SLC25A21: variants seen among roughly 807,000 people sequenced by gnomAD.
SLC25A21 encodes the protein solute carrier family 25 member 21.
A neutral mutation model predicts 43.8 loss-of-function variants in SLC25A21; 47 were observed. That is an observed-to-expected ratio of 1.07 (90% CI 0.85 to 1.37). The LOEUF (loss-of-function observed/expected upper bound fraction) is 1.37, where lower values mean the gene tolerates loss of function less well. SLC25A21 is among the 40% of genes most tolerant of loss of function. The pLI is 0.00. For synonymous variants in SLC25A21, 131 were observed against 121.3 expected (o/e 1.08, Z -0.52); for missense variants, 352 against 350.2 (o/e 1.00, Z -0.04).
intron 7 of SLC25A21, among the ~76,000 whole-genome samples, chr14:36,703,392 T>C (rs1182433272): frequency 2.0e-5 from 3 of 152,232 alleles, no homozygotes; most frequent in Non-Finnish European, 2.9e-5. Flanking sequence ...CTACAGAATT[T>C]ACCTTGGAAG....
intron 2 of SLC25A21, among the ~76,000 whole-genome samples, chr14:36,860,879 G>T (rs1428647542): frequency 1.3e-5 from 2 of 152,178 alleles, no homozygotes; most frequent in Non-Finnish European, 2.9e-5. Context: ...ACCAAAAATG[G>T]ATGATATTCA....
At chr14:36,793,453 C>T (rs994384590) in intron 3 of SLC25A21, among the ~76,000 whole-genome samples, 2 of 150,956 alleles carry the variant, frequency 1.3e-5, no homozygotes, top group Admixed American at 6.6e-5. Context: ...ACATGCTATC[C>T]TGTACCTTGC....
At chr14:36,850,467 A>G (rs1032607293) in intron 2 of SLC25A21, among the ~76,000 whole-genome samples, 1 of 152,138 alleles carries the variant, frequency 6.6e-6, no homozygotes, top group Non-Finnish European at 1.5e-5. Flanking sequence ...CAGGTATAGA[A>G]AGCAGGGCAA....
At chr14:36,785,304 C>T (rs551253722) in intron 3 of SLC25A21, among the ~76,000 whole-genome samples, 33 of 152,326 alleles carry the variant, frequency 2.2e-4, no homozygotes, top group Non-Finnish European at 4.1e-4. Context: ...GACAACAAAA[C>T]CACACTAAAC....
intron 1 of SLC25A21, among the ~76,000 whole-genome samples, chr14:36,965,321 T>C (rs937171599): frequency 1.8e-4 from 28 of 152,164 alleles, no homozygotes; most frequent in African/African-American, 4.6e-4. Flanking sequence ...CACACTCCAC[T>C]AAATTTAAAG....
chr14:36,943,156 C>A (rs1006564887), intron 1 of SLC25A21, among the ~76,000 whole-genome samples: 23 of 152,078 alleles, frequency 1.5e-4, no homozygotes, highest in African/African-American at 5.3e-4. Flanking sequence ...AGAAAGAATT[C>A]TATTATATTT....
intron 1 of SLC25A21, among the ~76,000 whole-genome samples, chr14:37,143,453 G>A (rs868535677): frequency 4.0e-4 from 61 of 152,268 alleles, no homozygotes; most frequent in Non-Finnish European, 2.1e-4. Flanking sequence ...CATGGACATT[G>A]GAGATAACTA....
chr14:36,704,007 G>A (rs1883390920), intron 7 of SLC25A21, among the ~76,000 whole-genome samples: 2 of 152,130 alleles, frequency 1.3e-5, no homozygotes, highest in Non-Finnish European at 2.9e-5. Context: ...AGATGTAAAT[G>A]AATGCCTCCA....
chr14:36,704,881 C>G (rs1206876732), intron 7 of SLC25A21, among the ~76,000 whole-genome samples: 1 of 152,050 alleles, frequency 6.6e-6, no homozygotes, highest in Non-Finnish European at 1.5e-5. Context: ...TGACAAGGAT[C>G]AGGCAAAATC....
intron 3 of SLC25A21, among the ~76,000 whole-genome samples, chr14:36,787,810 A>G (rs1386102959): frequency 6.6e-6 from 1 of 152,200 alleles, no homozygotes; most frequent in Non-Finnish European, 1.5e-5. Context: ...GTCTCATGCT[A>G]TTTTTAACAC....
chr14:36,885,877 T>C (rs1890898130), intron 1 of SLC25A21, among the ~76,000 whole-genome samples: 1 of 152,200 alleles, frequency 6.6e-6, no homozygotes, highest in Non-Finnish European at 1.5e-5. Context: ...ATCTTTGCAT[T>C]GTACTACTGC....
intron 1 of SLC25A21, among the ~76,000 whole-genome samples, chr14:37,101,208 T>A (rs1304728971): frequency 6.6e-6 from 1 of 152,202 alleles, no homozygotes; most frequent in African/African-American, 2.4e-5. Flanking sequence ...CCAATACAGA[T>A]ATATCTTTTC....
chr14:36,846,470 C>A (rs897238745), intron 2 of SLC25A21, among the ~76,000 whole-genome samples: 1 of 152,154 alleles, frequency 6.6e-6, no homozygotes, highest in African/African-American at 2.4e-5. Context: ...CAACCTCCAC[C>A]TCCTGGGTTC....
chr14:36,877,247 T>G (rs1348174723), intron 1 of SLC25A21, among the ~76,000 whole-genome samples: 7 of 152,140 alleles, frequency 4.6e-5, no homozygotes, highest in Non-Finnish European at 8.8e-5. Flanking sequence ...CTCAAAAAGT[T>G]TACCAAAAGA....
chr14:36,861,487 A>G (rs1890063807), intron 2 of SLC25A21, among the ~76,000 whole-genome samples: 1 of 152,184 alleles, frequency 6.6e-6, no homozygotes, highest in South Asian at 2.1e-4. Flanking sequence ...CTCTTTCTCA[A>G]CACTTTCAGG....
intron 1 of SLC25A21, among the ~76,000 whole-genome samples, chr14:37,115,091 T>C (rs1050340680): frequency 3.9e-5 from 6 of 152,168 alleles, no homozygotes; most frequent in Non-Finnish European, 5.9e-5. Flanking sequence ...TTGGCTAATA[T>C]ATGTACCATG....
rs1882069031 is a variant in SLC25A21, at chr14:36,679,243, A to C, written c.*1415T>G. 7.1e-6 allele frequency: 7 copies of C among 984,196 alleles called. No individual in the cohort carries two copies. The Admixed American group carries it at 3.7e-4, about 52-fold the overall frequency. The allele number at this position is 984,196 out of a possible 1,614,324, so 61.0% of individuals were successfully genotyped here. Reference sequence around the variant, plus strand: ...TTATTGAATATTGGACTGAAATATAAATTTTAAAAAACACGTTGGAAAGGA... The same window carrying C: ...TTATTGAATATTGGACTGAAATATACATTTTAAAAAACACGTTGGAAAGGA... On this transcript the variant is annotated 3_prime_UTR_variant, in exon 10 of 10. Transcript: ENST00000331299.
At chr14:37,160,657 C>T (rs907320766) in intron 1 of SLC25A21, among the ~76,000 whole-genome samples, 2 of 151,880 alleles carry the variant, frequency 1.3e-5, no homozygotes, top group East Asian at 1.9e-4. Flanking sequence ...AGGCCAGGTG[C>T]GGTGGCTCAC....
chr14:37,071,139 C>A (rs772603969), intron 1 of SLC25A21, among the ~76,000 whole-genome samples: 1 of 152,140 alleles, frequency 6.6e-6, no homozygotes, highest in African/African-American at 2.4e-5. Flanking sequence ...TCCAATAGAT[C>A]GTCAAGGGCA....
Sources: allele counts gnomAD v4.1 joint callset (sites outside exome capture counted in the v4.1 genomes callset), GRCh38; gene constraint gnomAD v4.1.1; transcripts MANE v1.5; gene names NCBI Gene and HGNC (gene_info 2026-07-23, HGNC 2026-07-21).